The following RBFOX1 variants were observed in gnomAD, a reference collection of about 807,000 sequenced individuals.
RBFOX1 encodes RNA binding fox-1 homolog 1.
A neutral mutation model predicts 57.7 loss-of-function variants in RBFOX1; 8 were observed. The ratio of observed to expected loss-of-function variants is 0.14; its 90% CI spans 0.08 to 0.25. The LOEUF (loss-of-function observed/expected upper bound fraction) is 0.25. RBFOX1 is among the 10% of genes least tolerant of loss of function. RBFOX1 has a pLI of 1.00. For synonymous variants in RBFOX1, 326 were observed against 222.4 expected (o/e 1.47, Z -4.15); for missense variants, 611 against 548.5 (o/e 1.11, Z -1.14).
intron 4 of RBFOX1, among the ~76,000 whole-genome samples, chr16:7,239,166 T>C (rs1007474333): frequency 7.9e-5 from 12 of 152,152 alleles, no homozygotes; most frequent in African/African-American, 2.9e-4. Flanking sequence ...CAGTTTGATA[T>C]ATGATGAGGC....
intron 4 of RBFOX1, among the ~76,000 whole-genome samples, chr16:5,989,903 G>A (rs917781984): frequency 1.2e-4 from 13 of 106,018 alleles, no homozygotes; most frequent in African/African-American, 2.9e-4. Flanking sequence ...TATAATAGGA[G>A]TAACCACCCA....
intron 3 of RBFOX1, among the ~76,000 whole-genome samples, chr16:7,003,819 C>G (rs1177938135): frequency 1.3e-5 from 2 of 152,064 alleles, no homozygotes; most frequent in African/African-American, 4.8e-5. Flanking sequence ...AATTCCTTGT[C>G]CAGGTTCTAC....
At chr16:7,316,191 C>G (rs918273560) in intron 4 of RBFOX1, among the ~76,000 whole-genome samples, 1 of 152,180 alleles carries the variant, frequency 6.6e-6, no homozygotes, top group Non-Finnish European at 1.5e-5. Flanking sequence ...GAAAGATCAA[C>G]TTTTCAAAAT....
intron 2 of RBFOX1, among the ~76,000 whole-genome samples, chr16:5,511,391 T>C (rs1218116265): frequency 6.6e-6 from 1 of 152,236 alleles, no homozygotes; most frequent in Admixed American, 6.5e-5. Flanking sequence ...TGCCTTTATT[T>C]TTCCTTGCCA....
At chr16:6,009,524 T>C (rs538933254) in intron 4 of RBFOX1, among the ~76,000 whole-genome samples, 10 of 152,240 alleles carry the variant, frequency 6.6e-5, no homozygotes, top group Middle Eastern at 3.4e-3. Context: ...CCCTGCAAAA[T>C]ACCTGTAGAT....
At chr16:6,838,451 GC>G (rs2093263781) in intron 3 of RBFOX1, among the ~76,000 whole-genome samples, 2 of 152,206 alleles carry the variant, frequency 1.3e-5, no homozygotes, top group African/African-American at 4.8e-5. Context: ...GGGTTGACTA[GC>G]CCTTTTCTAG....
At chr16:6,747,001 C>T (rs764244374) in intron 3 of RBFOX1, among the ~76,000 whole-genome samples, 1 of 152,108 alleles carries the variant, frequency 6.6e-6, no homozygotes, top group Non-Finnish European at 1.5e-5. Flanking sequence ...GCAGATATCC[C>T]CTCACCACAG....
intron 2 of RBFOX1, among the ~76,000 whole-genome samples, chr16:6,368,953 G>A (rs2090053307): frequency 6.6e-6 from 1 of 152,172 alleles, no homozygotes. Context: ...CACAATTTTA[G>A]TGTTGGAAAA....
rs1316818500 is a variant in RBFOX1, at chr16:7,711,726, T to C, written c.*981T>C. The C allele has an allele frequency of 6.6e-6, 1 of 152,658 alleles. No individual in the cohort carries two copies. Among genetic ancestry groups the C allele is most frequent in the Non-Finnish European group, 1.5e-5 (1 of 68,038 alleles). The allele number at this position is 152,658 out of a possible 1,614,324, so 9.5% of individuals were successfully genotyped here. ...GTTCTAGAAACAGTCTATGAAGCTT[T>C]AGTTTTAGCCTAGTAGAACAACTGT... On this transcript the variant is annotated 3_prime_UTR_variant, in exon 16 of 16. Coordinates refer to ENST00000550418, the MANE Select transcript of RBFOX1 (RefSeq NM_018723.4).
intron 6 of RBFOX1, among the ~76,000 whole-genome samples, chr16:7,584,448 A>T (rs1278919444): frequency 6.6e-6 from 1 of 152,114 alleles, no homozygotes; most frequent in African/African-American, 2.4e-5. Flanking sequence ...TCCTACCACC[A>T]TGACTGGGTA....
intron 2 of RBFOX1, among the ~76,000 whole-genome samples, chr16:6,418,198 G>A (rs557403517): frequency 6.6e-6 from 1 of 152,206 alleles, no homozygotes; most frequent in Non-Finnish European, 1.5e-5. Context: ...TTTTACCGAA[G>A]GGTAGCTGAG....
chr16:6,234,785 A>G (rs1258619788), intron 1 of RBFOX1, among the ~76,000 whole-genome samples: 1 of 151,990 alleles, frequency 6.6e-6, no homozygotes, highest in Non-Finnish European at 1.5e-5. Context: ...ATACATACAC[A>G]TGAACCACAC....
At chr16:6,088,866 G>A (rs1260485576) in intron 1 of RBFOX1, among the ~76,000 whole-genome samples, 1 of 152,108 alleles carries the variant, frequency 6.6e-6, no homozygotes, top group Non-Finnish European at 1.5e-5. Context: ...GGAGACCAAG[G>A]CGGGCATATC....
chr16:6,816,130 A>T (rs930608562), intron 3 of RBFOX1, among the ~76,000 whole-genome samples: 5 of 152,146 alleles, frequency 3.3e-5, no homozygotes, highest in African/African-American at 4.8e-5. Context: ...CAACATGAGG[A>T]GACCCCGTCT....
intron 3 of RBFOX1, among the ~76,000 whole-genome samples, chr16:6,862,549 C>G (rs2059200746): frequency 6.6e-6 from 1 of 152,172 alleles, no homozygotes; most frequent in African/African-American, 2.4e-5. Context: ...TAACCAGCAT[C>G]TTGAAGAGTG....
chr16:6,608,730 C>T (rs1205457325), intron 2 of RBFOX1, among the ~76,000 whole-genome samples: 1 of 152,144 alleles, frequency 6.6e-6, no homozygotes, highest in Non-Finnish European at 1.5e-5. Flanking sequence ...CATGATTGTA[C>T]CACTGCATTC....
chr16:5,260,616 T>G (rs1360415024), intron 1 of RBFOX1: 1 of 152,252 alleles, frequency 6.6e-6, no homozygotes, highest in Non-Finnish European at 1.5e-5. Flanking sequence ...TCTTTACAGT[T>G]GACTGACCAT....
intron 1 of RBFOX1, among the ~76,000 whole-genome samples, chr16:5,410,186 A>G (rs1047480520): frequency 6.6e-6 from 1 of 151,820 alleles, no homozygotes; most frequent in Non-Finnish European, 1.5e-5. Context: ...CAACATTGCA[A>G]GACACTGTCT....
chr16:5,419,013 G>A (rs2067238706), intron 1 of RBFOX1, among the ~76,000 whole-genome samples: 1 of 152,184 alleles, frequency 6.6e-6, no homozygotes, highest in South Asian at 2.1e-4. Flanking sequence ...GCCAGAGAGA[G>A]CAAGGTGGGG....
Sources: allele counts gnomAD v4.1 joint callset (sites outside exome capture counted in the v4.1 genomes callset), GRCh38; gene constraint gnomAD v4.1.1; transcripts MANE v1.5; gene names NCBI Gene and HGNC (gene_info 2026-07-23, HGNC 2026-07-21).